The following GTSE1 variants were observed in gnomAD, a reference collection of about 807,000 sequenced individuals.
GTSE1 encodes the protein G2 and S-phase expressed 1.
Under a neutral mutation model 60.5 loss-of-function variants are expected in GTSE1, and 52 were observed. That is an observed-to-expected ratio of 0.86 (90% confidence interval 0.69 to 1.08). The LOEUF (loss-of-function observed/expected upper bound fraction) is 1.08, where lower values mean the gene tolerates loss of function less well. GTSE1 is among the 50% of genes least tolerant of loss of function. The pLI is 0.00. For missense variants in GTSE1, 937 were observed against 961.8 expected (o/e 0.97, Z 0.34); for synonymous variants, 368 against 386.5 (o/e 0.95, Z 0.56).
Position 46,316,402 on chromosome 22 carries a change from G to A in GTSE1, c.1422G>A (p.Lys474=), listed in dbSNP as rs2077781032. ...CTACAAATCAATTTAAAATTCCTAAGTTTTCTATTGGTGAGTAATAGATAC... is the reference window on the plus strand; with the variant it reads ...CTACAAATCAATTTAAAATTCCTAAATTTTCTATTGGTGAGTAATAGATAC... ...PTPTNQFKIP[K]FSIGDSPDSS... Residue 474 remains lysine, a synonymous_variant, in exon 7 of 12, where the codon AAG becomes AAA. Transcript: ENST00000454366. This position sits in a 1 kb window ranked among gnomAD's most constrained non-coding sequence, Gnocchi z 5.0. 1 of 1,560,324 alleles carries A rather than the reference G, an allele frequency of 6.4e-7. No individual in the cohort carries two copies. Among genetic ancestry groups the A allele is most frequent in the Non-Finnish European group, 8.8e-7 (1 of 1,139,934 alleles).
At chr22:46,315,492 G>GC (rs57897668) in intron 6 of GTSE1, among the ~76,000 whole-genome samples, 34,519 of 152,146 alleles carry the variant, frequency 0.23, 6,134 homozygotes, top group African/African-American at 0.49. Flanking sequence ...CCACTCCTGG[G>GC]CTAAAGTTTT....
rs375036882 is a variant in GTSE1 at position 46,308,720 on chromosome 22, A to T, written c.539A>T (p.Glu180Val). ...CCCTTGCTGGGGCCCCCTGTGGGTG[A>T]GCCTCGGCTCTTGGCCTCCTCCCCG... is the stretch of plus-strand genomic sequence containing the variant. Reference protein sequence around the residue: ...DSPLLGPPVGEPRLLASSPAL... With the variant: ...DSPLLGPPVGVPRLLASSPAL... The change falls in exon 4 of 12, where the codon GAG becomes GTG. Residue 180 changes from glutamate (E) to valine (V), a missense_variant. Glu to Val is a moderately radical substitution (Grantham distance 121). Transcript: ENST00000454366. 6.6e-5 allele frequency: 107 copies of T among 1,613,514 alleles called. No homozygotes were observed. The highest frequency in any genetic ancestry group is 8.8e-5 in the Non-Finnish European group (104 of 1,180,048).
Position 46,309,055 on chromosome 22 carries a change from C to T in GTSE1, c.762+112C>T, listed in dbSNP as rs1448252480. 13 of 1,202,336 alleles carry T rather than the reference C, an allele frequency of 1.1e-5. No individual in the cohort carries two copies. The highest frequency in any genetic ancestry group is 7.9e-5 in the Admixed American group (3 of 37,948). The allele number at this position is 1,202,336 out of a possible 1,614,324, so 74.5% of individuals were successfully genotyped here. A position where few individuals can be genotyped will look rare whatever the true frequency, so the allele number is the denominator to read the frequency against. ...AGAGGTGGCGAGTCTCTGAGGCCTA[C>T]AAAACACAGGAATGCGGAGTCCAGG... On this transcript the variant is annotated intron_variant, in intron 4 of 11. Coordinates refer to ENST00000454366, the MANE Select transcript of GTSE1 (RefSeq NM_016426.7). The surrounding 1 kb of genome is among the most constrained non-coding windows in gnomAD (Gnocchi z 6.2).
chr22:46,307,694 G>A (rs1358134109), intron 2 of GTSE1, among the ~76,000 whole-genome samples: 1 of 152,042 alleles, frequency 6.6e-6, no homozygotes, highest in East Asian at 1.9e-4. Flanking sequence ...GTAGAGACGG[G>A]GTTTCACCAT....
Position 46,318,670 on chromosome 22 carries a change from C to T in GTSE1, c.1432+2258C>T, listed in dbSNP as rs559730130. ...TAGGAAAGTGCAAGGGGGAGCACTCCAGGCAGAGGCAACGGCAGGAGTGCA... is the reference window on the plus strand; with the variant it reads ...TAGGAAAGTGCAAGGGGGAGCACTCTAGGCAGAGGCAACGGCAGGAGTGCA... On this transcript the variant is annotated intron_variant, in intron 7 of 11. Coordinates refer to ENST00000454366, the MANE Select transcript of GTSE1 (RefSeq NM_016426.7). The surrounding 1 kb of genome is among the most constrained non-coding windows in gnomAD (Gnocchi z 4.8). 4.6e-5 allele frequency among the ~76,000 whole-genome samples: 7 copies of T among 152,206 alleles called. No homozygotes were observed. The South Asian group carries it at 1.5e-3, about 32-fold the overall frequency.
In GTSE1 at chr22:46,310,438, T is replaced by G. The variant is rs955269229; in HGVS notation, c.762+1495T>G. Among the ~76,000 whole-genome samples the G allele has an allele frequency of 6.6e-6, 1 of 152,090 alleles. No individual in the cohort carries two copies. The highest frequency in any genetic ancestry group is 1.5e-5 in the Non-Finnish European group (1 of 67,994). On this transcript the variant is annotated intron_variant, in intron 4 of 11. Transcript: ENST00000454366. This position sits in a 1 kb window ranked among gnomAD's most constrained non-coding sequence, Gnocchi z 4.4. ...AAAAAAATAAATGTAGAGGGTCCCA[T>G]GGGACCCAGCAATTCCACTCCTTAG...
At chr22:46,305,682 G>T (rs1288403491) in intron 2 of GTSE1, among the ~76,000 whole-genome samples, 3 of 151,830 alleles carry the variant, frequency 2.0e-5, no homozygotes, top group African/African-American at 7.3e-5. Context: ...GCTGAGGCAG[G>T]TGGAACACAA....
At chr22:46,301,728 ATCCACCCGCCTCGACCT>A (rs2077690469) in intron 2 of GTSE1, among the ~76,000 whole-genome samples, 1 of 151,846 alleles carries the variant, frequency 6.6e-6, no homozygotes, top group African/African-American at 2.4e-5. Context: ...ACCTCAGGTG[ATCCACCCGCCTCGACCT>A]TCCAAAGTGC....
At position 46,310,697 on chromosome 22, in the gene GTSE1, G is replaced by C. The variant is rs757895399; in HGVS notation, c.763-1444G>C. 5.9e-5 allele frequency among the ~76,000 whole-genome samples: 9 copies of C among 152,222 alleles called. No individual in the cohort carries two copies. Among genetic ancestry groups the C allele is most frequent in the Non-Finnish European group, 1.2e-4 (8 of 68,040 alleles). On this transcript the variant is annotated intron_variant, in intron 4 of 11. Transcript: ENST00000454366. The surrounding 1 kb of genome is among the most constrained non-coding windows in gnomAD (Gnocchi z 4.4). Reference sequence around the variant, plus strand: ...TGATCACAGCACTTTGGGAAGCCAAGGTGGGCGAATCACCTGAGGTCAGGA... The same window carrying C: ...TGATCACAGCACTTTGGGAAGCCAACGTGGGCGAATCACCTGAGGTCAGGA...
Position 46,312,195 on chromosome 22 carries a change from G to A in GTSE1, c.817G>A (p.Glu273Lys). 2 of 1,613,970 alleles carry A rather than the reference G, an allele frequency of 1.2e-6. No homozygotes were observed. ...CAGGACAAAAATCCCAGCTGAGAAG[G>A]AATCCCACCGGGATGTTCTCCCTGA... ...PSRTKIPAEK[E>K]SHRDVLPDKP... Residue 273 changes from glutamate (E) to lysine (K), a missense_variant, in exon 5 of 12, where the codon GAA (glutamate) becomes AAA (lysine). By Grantham distance (56) the Glu-to-Lys change is moderately conservative. Transcript: ENST00000454366.
intron 5 of GTSE1, among the ~76,000 whole-genome samples, chr22:46,312,762 C>T (rs981630705): frequency 1.3e-5 from 2 of 152,056 alleles, no homozygotes; most frequent in African/African-American, 4.8e-5. Flanking sequence ...GCCCTGGGAG[C>T]TGTGTGGGTT....
chr22:46,307,236 A>G (rs1305201192), intron 2 of GTSE1, among the ~76,000 whole-genome samples: 3 of 152,244 alleles, frequency 2.0e-5, no homozygotes, highest in African/African-American at 7.2e-5. Context: ...ATGGCGGTCA[A>G]CGAATTCTTA....
At chr22:46,327,500 T>A (rs1307957538) in intron 9 of GTSE1, among the ~76,000 whole-genome samples, 2 of 152,070 alleles carry the variant, frequency 1.3e-5, no homozygotes, top group Admixed American at 6.6e-5. Flanking sequence ...GGTGAGACCC[T>A]GTCTGTACTA....
chr22:46,298,893 G>A (rs1190187380), intron 2 of GTSE1, among the ~76,000 whole-genome samples: 4 of 152,072 alleles, frequency 2.6e-5, no homozygotes, highest in African/African-American at 9.7e-5. Flanking sequence ...CTCACTTGTC[G>A]CCACGTCTCC....
At chr22:46,312,399 G>C in intron 5 of GTSE1, 94 bp downstream of exon 5, 1 of 1,261,308 alleles carries the variant, frequency 7.9e-7, no homozygotes, top group Non-Finnish European at 1.1e-6. Context: ...CAGCATTTTG[G>C]GAGGCCAAGG....
In GTSE1 at chr22:46,329,392, C is replaced by T. The variant is rs375790281; in HGVS notation, c.1961C>T (p.Ala654Val). 165 of 1,614,102 alleles carry T rather than the reference C, an allele frequency of 1.0e-4. 1 individual carries two copies. The highest frequency in any genetic ancestry group is 7.7e-4 in the Admixed American group (46 of 60,020). The change falls in exon 11 of 12, where the codon GCG becomes GTG. Residue 654 changes from alanine (A) to valine (V), a missense_variant. Physicochemically the swap from Ala to Val is moderately conservative, Grantham distance 64. Transcript: ENST00000454366. This position sits in a 1 kb window ranked among gnomAD's most constrained non-coding sequence, Gnocchi z 6.4. ...LLVDIKLEPL[A>V]VTPDAASQPL... ...GTAGATATCAAACTGGAACCACTCG[C>T]GGTCACTCCAGATGCTGCAAGCCAG...
intron 2 of GTSE1, among the ~76,000 whole-genome samples, chr22:46,306,192 A>T (rs889644881): frequency 3.3e-5 from 5 of 151,530 alleles, no homozygotes; most frequent in Admixed American, 6.6e-5. Context: ...TTATTTATTT[A>T]TTTTTTTGAG....
In GTSE1 at chr22:46,308,578, G is replaced by A. The variant is rs1569038890; in HGVS notation, c.397G>A (p.Gly133Ser). 6.2e-7 allele frequency: 1 copy of A among 1,614,002 alleles called. No individual in the cohort carries two copies. Among genetic ancestry groups the A allele is most frequent in the Non-Finnish European group, 8.5e-7 (1 of 1,180,028 alleles). ...AAKPEDPRSQ[G>S]VERFIQESKL... ...CAAGCCTGAAGACCCTCGGAGCCAG[G>A]GCGTGGAAAGATTCATACAGGAGTC... The change falls in exon 4 of 12, where the codon GGC becomes AGC. Residue 133 changes from glycine (G) to serine (S), a missense_variant. Gly to Ser is a moderately conservative substitution (Grantham distance 56). Coordinates refer to ENST00000454366, the MANE Select transcript of GTSE1 (RefSeq NM_016426.7).
In GTSE1 at chr22:46,316,226, G is replaced by A; in HGVS notation, c.1246G>A (p.Ala416Thr). The stretch of plus-strand genomic sequence containing the variant: ...GGAGCAGCTCACGGCACCCCCCTCA[G>A]CATCCCCCACCCAACCCCAGACTCC... The part of the protein sequence containing the change: ...AAEQLTAPPS[A>T]SPTQPQTPEG... Residue 416 changes from alanine (A) to threonine (T), a missense_variant, in exon 7 of 12, where the codon GCA (alanine) becomes ACA (threonine). By Grantham distance (58) the Ala-to-Thr change is moderately conservative. Coordinates refer to ENST00000454366, the MANE Select transcript of GTSE1 (RefSeq NM_016426.7). The surrounding 1 kb of genome is among the most constrained non-coding windows in gnomAD (Gnocchi z 5.0). 2 of 1,613,682 alleles carry A rather than the reference G, an allele frequency of 1.2e-6. No homozygotes were observed. Among genetic ancestry groups the A allele is most frequent in the Non-Finnish European group, 1.7e-6 (2 of 1,179,982 alleles).
Sources: allele counts gnomAD v4.1 joint callset (sites outside exome capture counted in the v4.1 genomes callset), GRCh38; gene constraint gnomAD v4.1.1; non-coding constraint Gnocchi (gnomAD v3.1); transcripts MANE v1.5; gene names NCBI Gene and HGNC (gene_info 2026-07-23, HGNC 2026-07-21).